Variants in GATD1 observed in about 807,000 individuals in gnomAD.
GATD1 encodes the protein glutamine amidotransferase class 1 domain containing 1.
GATD1 carries 23 observed loss-of-function variants against 25.9 expected under a neutral mutation model. The observed-to-expected ratio is 0.89, with a 90% CI of 0.64 to 1.26. GATD1 has a LOEUF of 1.26. GATD1 is among the 50% of genes most tolerant of loss of function. GATD1 has a pLI of 0.00. For missense variants in GATD1, 347 were observed against 312.5 expected (o/e 1.11, Z -0.83); for synonymous variants, 177 against 134.6 (o/e 1.31, Z -2.18).
chr11:774,792 C>T (rs567102916), intron 2 of GATD1, among the ~76,000 whole-genome samples: 13 of 152,094 alleles, frequency 8.5e-5, no homozygotes, highest in Admixed American at 3.3e-4. Flanking sequence ...ATCGCACCAC[C>T]GCACTCCAGC....
chr11:776,964 G>C (rs1864050119), intron 1 of GATD1: 1 of 154,338 alleles, frequency 6.5e-6, no homozygotes, highest in Non-Finnish European at 1.4e-5. Flanking sequence ...GGTCCCCGCG[G>C]CCGCCCGACC....
intron 2 of GATD1, among the ~76,000 whole-genome samples, chr11:774,391 T>C (rs1202869896): frequency 6.6e-6 from 1 of 152,268 alleles, no homozygotes; most frequent in Non-Finnish European, 1.5e-5. Flanking sequence ...GCATCCTTAC[T>C]ATGACTTATG....
At chr11:775,976 CTTTTTTTTTTTTTTTT>C (rs71022972) in intron 1 of GATD1, among the ~76,000 whole-genome samples, 1 of 72,278 alleles carries the variant, frequency 1.4e-5, no homozygotes, top group Non-Finnish European at 2.4e-5. Context: ...TATCTTCATT[CTTTTTTTTTTTTTTTT>C]TTTTTTTTTG....
intron 5 of GATD1, among the ~76,000 whole-genome samples, 197 bp downstream of exon 5, chr11:772,230 A>C (rs1863519070): frequency 4.3e-5 from 1 of 23,310 alleles, no homozygotes; most frequent in African/African-American, 1.2e-4. Context: ...AGCAGGGAGC[A>C]CAGCCTGCCT....
chr11:774,141 GGTCAGCACCA>G, intron 2 of GATD1, 28 bp from the exon 3 acceptor site: 1 of 1,587,954 alleles, frequency 6.3e-7, no homozygotes, highest in Non-Finnish European at 8.6e-7. Context: ...AGGGGCCGAG[GGTCAGCACCA>G]GGGATATCCC....
chr11:774,531 G>C (rs900675173), intron 2 of GATD1, among the ~76,000 whole-genome samples: 3 of 152,234 alleles, frequency 2.0e-5, no homozygotes, highest in African/African-American at 2.4e-5. Context: ...CAGACCCACA[G>C]CAAAAAGGTC....
chr11:772,415 C>T lies in GATD1; in HGVS notation c.450+12G>A. 1 of 1,612,070 alleles carries T rather than the reference C, an allele frequency of 6.2e-7. No individual in the cohort carries two copies. The highest frequency in any genetic ancestry group is 8.5e-7 in the Non-Finnish European group (1 of 1,179,432). On this transcript the variant is annotated intron_variant, in intron 5 of 7. Coordinates refer to ENST00000319863, the MANE Select transcript of GATD1 (RefSeq NM_182612.4). ...CAGGGAGCACAGCGTGCCTCGGCCT[C>T]CAGACACTCACCCCTGTCAGGCTGT...
In GATD1 at chr11:767,624, G is replaced by C; in HGVS notation, c.*3273C>G. Reference sequence around the variant, plus strand: ...CTCTTCATGCACCCTGCTGTGGCCTGAGCACGTCCCCCCAAAACCCACCTG... The same window carrying C: ...CTCTTCATGCACCCTGCTGTGGCCTCAGCACGTCCCCCCAAAACCCACCTG... On this transcript the variant is annotated 3_prime_UTR_variant, in exon 8 of 8. Transcript: ENST00000319863. 3 of 1,344,124 alleles carry C rather than the reference G, an allele frequency of 2.2e-6. No homozygotes were observed. Among genetic ancestry groups the C allele is most frequent in the Non-Finnish European group, 1.9e-6 (2 of 1,048,918 alleles). 83.3% of individuals were successfully genotyped at this position (1,344,124 alleles called of 1,614,324 possible).
chr11:767,469 C>A lies in GATD1; in HGVS notation c.*3428G>T. The stretch of plus-strand genomic sequence containing the variant: ...GACGCAGGGGCCTGCAGGCAGCTCA[C>A]GCGGAGACAGGTCTGTGGGGCCCCG... On this transcript the variant is annotated 3_prime_UTR_variant, in exon 8 of 8. Transcript: ENST00000319863. The A allele has an allele frequency of 6.9e-7, 1 of 1,449,498 alleles. No homozygotes were observed. The highest frequency in any genetic ancestry group is 9.0e-7 in the Non-Finnish European group (1 of 1,107,104). The allele number at this position is 1,449,498 out of a possible 1,614,324, so 89.8% of individuals were successfully genotyped here. A position where few individuals can be genotyped will look rare whatever the true frequency, so the allele number is the denominator to read the frequency against.
In GATD1 at chr11:770,732, C is replaced by G. The variant is rs77965970; in HGVS notation, c.*165G>C. 158,503 of 1,481,852 alleles carry G rather than the reference C, an allele frequency of 0.11. 9,812 individuals carry two copies. The highest frequency in any genetic ancestry group is 0.26 in the East Asian group (10,961 of 42,978). 91.8% of individuals were successfully genotyped at this position (1,481,852 alleles called of 1,614,324 possible). On this transcript the variant is annotated 3_prime_UTR_variant, in exon 8 of 8. Transcript: ENST00000319863. ...GGACCCTCCAGGAGAGCCGACACCCCCTCAGAGCTGATTCCAGGAGGCCTC... is the reference window on the plus strand; with the variant it reads ...GGACCCTCCAGGAGAGCCGACACCCGCTCAGAGCTGATTCCAGGAGGCCTC...
At chr11:772,690 G>C (rs565969644) in intron 4 of GATD1, 169 bp from the exon 5 acceptor site, 2 of 628,562 alleles carry the variant, frequency 3.2e-6, no homozygotes, top group Middle Eastern at 8.4e-4. Flanking sequence ...GGCTCAGCCC[G>C]CACAGCTGGC....
At position 771,043 on chromosome 11, in the gene GATD1, G is replaced by C; in HGVS notation, c.606C>G (p.Ala202=). ...TCTGCACGGCCGGGACAGTGGAGCT[G>C]GCATTCTGGCCTGTGACCAGGTGGC... is the stretch of plus-strand genomic sequence containing the variant. ...LDRHLVTGQN[A]SSTVPAVQNL... Residue 202 remains alanine, a synonymous_variant, in exon 7 of 8, where the codon GCC becomes GCG. Coordinates refer to ENST00000319863, the MANE Select transcript of GATD1 (RefSeq NM_182612.4). 1 of 1,612,632 alleles carries C rather than the reference G, an allele frequency of 6.2e-7. No individual in the cohort carries two copies. Among genetic ancestry groups the C allele is most frequent in the Non-Finnish European group, 8.5e-7 (1 of 1,179,886 alleles).
chr11:770,138 G>T lies in GATD1; in HGVS notation c.*759C>A. The T allele has an allele frequency of 8.0e-7, 1 of 1,246,234 alleles. No homozygotes were observed. Among genetic ancestry groups the T allele is most frequent in the Non-Finnish European group, 1.0e-6 (1 of 994,354 alleles). The allele number at this position is 1,246,234 out of a possible 1,614,324, so 77.2% of individuals were successfully genotyped here. A position where few individuals can be genotyped will look rare whatever the true frequency, so the allele number is the denominator to read the frequency against. On this transcript the variant is annotated 3_prime_UTR_variant, in exon 8 of 8. Transcript: ENST00000319863. ...AGCCCGCTGGAGGGCCACAGCCCAGGCCAGGTGCCCAGCAGGCTGGACCAC... is the reference window on the plus strand; with the variant it reads ...AGCCCGCTGGAGGGCCACAGCCCAGTCCAGGTGCCCAGCAGGCTGGACCAC...
chr11:775,242 C>T (rs999751130), intron 1 of GATD1, 100 bp from the exon 2 acceptor site: 7 of 945,384 alleles, frequency 7.4e-6, no homozygotes, highest in Middle Eastern at 2.7e-4. Flanking sequence ...CCCCAGAACA[C>T]GCTGAGGAGC....
At chr11:774,907 G>T (rs974512676) in intron 2 of GATD1, among the ~76,000 whole-genome samples, 159 bp downstream of exon 2, 4 of 152,076 alleles carry the variant, frequency 2.6e-5, no homozygotes, top group Non-Finnish European at 5.9e-5. Context: ...ACTGGGACAG[G>T]GGGACGCCAC....
At chr11:777,197 C>T in intron 1 of GATD1, 1 of 189,086 alleles carries the variant, frequency 5.3e-6, no homozygotes, top group Non-Finnish European at 1.0e-5. Context: ...CAACCCGCGA[C>T]CCCACCCCCG....
Position 769,780 on chromosome 11 carries a change from T to G in GATD1, c.*1117A>C. On this transcript the variant is annotated 3_prime_UTR_variant, in exon 8 of 8. Transcript: ENST00000319863. ...ACCCACCACCATGCCAGGCTAACTT[T>G]TTGTATTTTTGTTTTTTAGTAGAGA... 2.7e-6 allele frequency: 1 copy of G among 365,176 alleles called. No individual in the cohort carries two copies. The highest frequency in any genetic ancestry group is 3.8e-6 in the Non-Finnish European group (1 of 263,226). The allele number at this position is 365,176 out of a possible 1,614,324, so 22.6% of individuals were successfully genotyped here. A position where few individuals can be genotyped will look rare whatever the true frequency, so the allele number is the denominator to read the frequency against.
rs200882583 is a variant in GATD1 at position 771,356 on chromosome 11, T to A, written c.521A>T (p.Lys174Met). The A allele has an allele frequency of 2.6e-5, 41 of 1,595,772 alleles. No individual in the cohort carries two copies. Among genetic ancestry groups the A allele is most frequent in the Non-Finnish European group, 3.5e-5 (41 of 1,170,962 alleles). The change falls in exon 6 of 8, where the codon AAG (lysine) becomes ATG (methionine). Residue 174 changes from lysine (K) to methionine (M), a missense_variant. Coordinates refer to ENST00000319863, the MANE Select transcript of GATD1 (RefSeq NM_182612.4). ...RLPLVVEDFV[K>M]DSGACFSASE... ...ACCACTGAAGCAGGCGCCCGAATCCTTCACGAAGTCCTCCACCACGAGCGG... is the reference window on the plus strand; with the variant it reads ...ACCACTGAAGCAGGCGCCCGAATCCATCACGAAGTCCTCCACCACGAGCGG...
intron 5 of GATD1, 189 bp from the exon 6 acceptor site, chr11:771,615 G>A (rs561950421): frequency 7.3e-7 from 1 of 1,360,580 alleles, no homozygotes; most frequent in Non-Finnish European, 9.5e-7. Flanking sequence ...ATCTTCCCAT[G>A]GGGTGTCCCT....
Sources: allele counts gnomAD v4.1 joint callset (sites outside exome capture counted in the v4.1 genomes callset), GRCh38; gene constraint gnomAD v4.1.1; transcripts MANE v1.5; gene names NCBI Gene and HGNC (gene_info 2026-07-23, HGNC 2026-07-21).